The following DLC1 variants were observed in gnomAD, a reference collection of about 807,000 sequenced individuals.
DLC1 encodes the protein rho GTPase-activating protein 7.
A neutral mutation model predicts 140.3 loss-of-function variants in DLC1; 54 were observed. That is an observed-to-expected ratio of 0.38 (90% CI 0.31 to 0.48). The LOEUF is 0.48. Among genes scored for constraint, DLC1 ranks in the 20% least tolerant of loss-of-function variants. The pLI is 0.96. For missense variants in DLC1, 2,536 were observed against 1,907.0 expected, an observed-to-expected ratio of 1.33 and a Z score of -6.14; for synonymous variants, 986 against 728.1, an observed-to-expected ratio of 1.35 and a Z score of -5.70.
At chr8:13,399,208 T>G (rs905725111) in intron 3 of DLC1, among the ~76,000 whole-genome samples, 1 of 152,150 alleles carries the variant, frequency 6.6e-6, no homozygotes, top group African/African-American at 2.4e-5. Context: ...ATGTCATTAT[T>G]AGGAAGAACA....
intron 5 of DLC1, chr8:13,304,972 C>A (rs763623877): frequency 7.1e-5 from 75 of 1,050,878 alleles, no homozygotes; most frequent in Non-Finnish European, 7.3e-5. Flanking sequence ...ATTCATTCCC[C>A]AGAACCTTGA....
chr8:13,260,498 G>A (rs978867685), intron 5 of DLC1, among the ~76,000 whole-genome samples: 3 of 152,188 alleles, frequency 2.0e-5, no homozygotes, highest in African/African-American at 7.2e-5. Flanking sequence ...GAAGTTAATT[G>A]TGGAGATAAT....
In DLC1 at chr8:13,192,509, C is replaced by G. The variant is rs564022954; in HGVS notation, c.1349-76852G>C. 4.7e-4 allele frequency among the ~76,000 whole-genome samples: 71 copies of G among 152,236 alleles called. 1 individual carries two copies. In the South Asian group the frequency reaches 0.014, roughly 31 times the overall value. On this transcript the variant is annotated intron_variant, in intron 5 of 17. Coordinates refer to ENST00000276297, the MANE Select transcript of DLC1 (RefSeq NM_182643.3). ...ACATAGAAATGTTTCCTGTTTCTAACACAGCTTCTCCTCTCCCCCAGCACT... is the reference window on the plus strand; with the variant it reads ...ACATAGAAATGTTTCCTGTTTCTAAGACAGCTTCTCCTCTCCCCCAGCACT...
intron 5 of DLC1, chr8:13,305,025 G>A: frequency 8.9e-7 from 1 of 1,123,204 alleles, no homozygotes. Context: ...AATTGTGGTT[G>A]CAGTTACAAG....
intron 2 of DLC1, among the ~76,000 whole-genome samples, chr8:13,413,441 G>A (rs1837895028): frequency 1.3e-5 from 2 of 150,934 alleles, no homozygotes; most frequent in East Asian, 2.0e-4. Context: ...ACACATACAC[G>A]AGCACACATA....
chr8:13,578,694 A>G (rs891214515), intron 1 of DLC1, among the ~76,000 whole-genome samples: 2 of 152,186 alleles, frequency 1.3e-5, no homozygotes, highest in Admixed American at 6.5e-5. Flanking sequence ...TATAAAGGAT[A>G]TTACAAAAGA....
chr8:13,467,412 A>T (rs1169656770), intron 2 of DLC1, among the ~76,000 whole-genome samples: 1 of 149,360 alleles, frequency 6.7e-6, no homozygotes, highest in Non-Finnish European at 1.5e-5. Flanking sequence ...TGTAGCTATC[A>T]ATTTGTTAGG....
chr8:13,567,331 G>A, intron 1 of DLC1: 3 of 1,551,638 alleles, frequency 1.9e-6, no homozygotes, highest in Non-Finnish European at 2.6e-6. Context: ...AATCACTCGG[G>A]TATCAGATGA....
At chr8:13,133,090 G>C in intron 5 of DLC1, 1 of 1,515,616 alleles carries the variant, frequency 6.6e-7, no homozygotes, top group South Asian at 1.3e-5. Flanking sequence ...CGCCCTCGCG[G>C]TCCTCAACGC....
chr8:13,255,841 C>A (rs1403392898), intron 5 of DLC1, among the ~76,000 whole-genome samples: 1 of 152,204 alleles, frequency 6.6e-6, no homozygotes, highest in African/African-American at 2.4e-5. Context: ...ATAAGAAGTA[C>A]TCACTTAATA....
rs546374758 is a variant in DLC1 at position 13,497,877 on chromosome 8, G to A, written c.1023+1172C>T. Among the ~76,000 whole-genome samples, 6 of 152,330 alleles carry A rather than the reference G, an allele frequency of 3.9e-5. No homozygotes were observed. The East Asian group carries it at 9.6e-4, about 24-fold the overall frequency. Reference sequence around the variant, plus strand: ...AAAATGCTCTGTTAGCATATAGCTTGTGGACACTGATTTTTGCTGTAAAGT... The same window carrying A: ...AAAATGCTCTGTTAGCATATAGCTTATGGACACTGATTTTTGCTGTAAAGT... On this transcript the variant is annotated intron_variant, in intron 2 of 17. Transcript: ENST00000276297.
At chr8:13,548,657 C>T (rs967179469) in intron 1 of DLC1, among the ~76,000 whole-genome samples, 2 of 151,984 alleles carry the variant, frequency 1.3e-5, no homozygotes, top group South Asian at 4.1e-4. Flanking sequence ...ATGGATTTGG[C>T]AATTCTACGG....
intron 4 of DLC1, among the ~76,000 whole-genome samples, chr8:13,322,770 G>C (rs1833177910): frequency 6.6e-6 from 1 of 152,156 alleles, no homozygotes; most frequent in South Asian, 2.1e-4. Context: ...TTCTCATAGA[G>C]CTTGCTATGA....
chr8:13,287,249 C>T (rs186268677), intron 5 of DLC1, among the ~76,000 whole-genome samples: 1 of 152,006 alleles, frequency 6.6e-6, no homozygotes, highest in Non-Finnish European at 1.5e-5. Context: ...ATGTATGGCT[C>T]GTCAGGGTCT....
chr8:13,572,075 G>GATT (rs199957476), intron 1 of DLC1, among the ~76,000 whole-genome samples: 8 of 137,206 alleles, frequency 5.8e-5, no homozygotes, highest in East Asian at 4.2e-4. Flanking sequence ...TGAGTTTCAG[G>GATT]ATTATTATTA....
intron 5 of DLC1, among the ~76,000 whole-genome samples, chr8:13,274,846 T>G (rs573003602): frequency 9.0e-4 from 137 of 152,338 alleles, no homozygotes; most frequent in Non-Finnish European, 1.8e-3. Flanking sequence ...CATTGTTTAT[T>G]AAACAAGACA....
intron 2 of DLC1, among the ~76,000 whole-genome samples, chr8:13,452,971 G>T (rs1361065799): frequency 6.6e-6 from 1 of 151,846 alleles, no homozygotes; most frequent in Non-Finnish European, 1.5e-5. Context: ...ACAGTTTCTT[G>T]TTGTTGTTGT....
rs2128975785 is a variant in DLC1, at chr8:13,148,543, T to C, written c.1349-32886A>G. Among the ~76,000 whole-genome samples the C allele has an allele frequency of 1.3e-5, 2 of 152,312 alleles. 1 individual carries two copies. The highest frequency in any genetic ancestry group is 1.3e-4 in the Admixed American group (2 of 15,304). On this transcript the variant is annotated intron_variant, in intron 5 of 17. Coordinates refer to ENST00000276297, the MANE Select transcript of DLC1 (RefSeq NM_182643.3). ...TGGCCACTAACAGCTATGCAGGGCC[T>C]GTAAGGAGAAGCTGACCAACTAAAT...
intron 5 of DLC1, 154 bp downstream of exon 5, chr8:13,305,115 G>T: frequency 7.6e-7 from 1 of 1,322,674 alleles, no homozygotes; most frequent in Non-Finnish European, 9.7e-7. Flanking sequence ...CTTACATATT[G>T]AGCAAAACAA....
Sources: allele counts gnomAD v4.1 joint callset (sites outside exome capture counted in the v4.1 genomes callset), GRCh38; gene constraint gnomAD v4.1.1; transcripts MANE v1.5; gene names NCBI Gene and HGNC (gene_info 2026-07-23, HGNC 2026-07-21).